FOXP2: variants seen among roughly 807,000 people sequenced by gnomAD.
FOXP2 encodes forkhead box protein P2.
Under a neutral mutation model 115.8 loss-of-function variants are expected in FOXP2, and 12 were observed. The observed-to-expected ratio is 0.10, with a 90% CI of 0.07 to 0.17. The LOEUF (loss-of-function observed/expected upper bound fraction) is 0.17. Among genes scored for constraint, FOXP2 ranks in the 10% least tolerant of loss-of-function variants. The pLI is 1.00. For missense variants in FOXP2, 629 were observed against 843.5 expected, an observed-to-expected ratio of 0.75 and a Z score of 3.15; for synonymous variants, 328 against 297.7, an observed-to-expected ratio of 1.10 and a Z score of -1.05.
At chr7:114,379,018 A>G (rs1792213888) in intron 2 of FOXP2, among the ~76,000 whole-genome samples, 1 of 152,042 alleles carries the variant, frequency 6.6e-6, no homozygotes, top group East Asian at 1.9e-4. Context: ...CAAATATAGG[A>G]GGTAAAATGA....
intron 16 of FOXP2, chr7:114,665,024 A>G (rs1807088697): frequency 6.5e-6 from 1 of 153,018 alleles, no homozygotes; most frequent in African/African-American, 2.4e-5. Context: ...ATGCAAGACT[A>G]CGATTCCTAT....
At chr7:114,434,437 A>G (rs1794247921) in intron 2 of FOXP2, among the ~76,000 whole-genome samples, 1 of 36,046 alleles carries the variant, frequency 2.8e-5, no homozygotes, top group Admixed American at 3.5e-4. Flanking sequence ...TTTAATATAT[A>G]TGGGGGGGGG....
intron 8 of FOXP2, among the ~76,000 whole-genome samples, chr7:114,649,098 T>C (rs920083351): frequency 4.6e-5 from 7 of 152,064 alleles, no homozygotes; most frequent in African/African-American, 1.4e-4. Flanking sequence ...GAAATGGTGT[T>C]AGTGATTGCA....
At chr7:114,262,221 C>T (rs1004641139) in intron 1 of FOXP2, among the ~76,000 whole-genome samples, 2 of 151,968 alleles carry the variant, frequency 1.3e-5, no homozygotes, top group Non-Finnish European at 2.9e-5. Flanking sequence ...GTCAGGAGTT[C>T]AAGACCAGCC....
chr7:114,484,837 G>A (rs913726775), intron 2 of FOXP2, among the ~76,000 whole-genome samples: 3 of 151,830 alleles, frequency 2.0e-5, no homozygotes, highest in African/African-American at 7.2e-5. Context: ...ACATCAGAAG[G>A]AAGTTAGCTA....
intron 2 of FOXP2, among the ~76,000 whole-genome samples, chr7:114,465,660 T>G (rs1251572851): frequency 6.6e-6 from 1 of 152,208 alleles, no homozygotes; most frequent in Non-Finnish European, 1.5e-5. Flanking sequence ...GGAGGTTTGT[T>G]GAGCAATTTC....
At chr7:114,685,088 T>C (rs566906546) in intron 16 of FOXP2, among the ~76,000 whole-genome samples, 1 of 152,142 alleles carries the variant, frequency 6.6e-6, no homozygotes. Flanking sequence ...TGAAATCACC[T>C]ATGGGTATAC....
At chr7:114,223,287 C>T (rs1251276727) in intron 1 of FOXP2, among the ~76,000 whole-genome samples, 1 of 151,712 alleles carries the variant, frequency 6.6e-6, no homozygotes, top group South Asian at 2.1e-4. Flanking sequence ...CTTTTGTTTC[C>T]CTCAGTCTAA....
intron 1 of FOXP2, among the ~76,000 whole-genome samples, chr7:114,168,951 G>C (rs887159639): frequency 2.0e-5 from 3 of 152,238 alleles, no homozygotes; most frequent in African/African-American, 7.2e-5. Context: ...AGCTTTGGCA[G>C]CTTCCATGTG....
chr7:114,676,396 T>C (rs187841159), intron 16 of FOXP2, among the ~76,000 whole-genome samples: 3 of 152,320 alleles, frequency 2.0e-5, no homozygotes, highest in Admixed American at 2.0e-4. Context: ...TATTTCAGTA[T>C]ATTTAATATG....
intron 1 of FOXP2, among the ~76,000 whole-genome samples, chr7:114,145,762 A>C (rs546499499): frequency 6.6e-6 from 1 of 152,310 alleles, no homozygotes; most frequent in South Asian, 2.1e-4. Flanking sequence ...ATGCAATTCT[A>C]TAGAGAGACA....
intron 2 of FOXP2, among the ~76,000 whole-genome samples, chr7:114,393,018 C>T (rs1412065936): frequency 6.6e-6 from 1 of 152,062 alleles, no homozygotes; most frequent in Non-Finnish European, 1.5e-5. Flanking sequence ...AAAAGAAATC[C>T]AGATTCTGGT....
rs186464259 is a variant in FOXP2 at position 114,125,881 on chromosome 7, A to G, written c.-246-37063A>G. Among the ~76,000 whole-genome samples, 537 of 152,292 alleles carry G rather than the reference A, an allele frequency of 3.5e-3. 1 individual carries two copies. Among genetic ancestry groups the G allele is most frequent in the Non-Finnish European group, 5.4e-3 (368 of 68,024 alleles). On this transcript the variant is annotated intron_variant, in intron 1 of 19. Coordinates refer to the FOXP2 transcript ENST00000635638. Reference sequence around the variant, plus strand: ...CATAGAGCACCCATTTAGATGTACTATGGATGTCATATCAAAAGACATTCA... The same window carrying G: ...CATAGAGCACCCATTTAGATGTACTGTGGATGTCATATCAAAAGACATTCA...
At chr7:114,125,982 G>A (rs1026146858) in intron 1 of FOXP2, among the ~76,000 whole-genome samples, 4 of 152,076 alleles carry the variant, frequency 2.6e-5, no homozygotes, top group African/African-American at 9.7e-5. Context: ...ATTTCATATG[G>A]ATTCATTTAA....
At chr7:114,253,719 A>T (rs1795517471) in intron 1 of FOXP2, among the ~76,000 whole-genome samples, 1 of 152,184 alleles carries the variant, frequency 6.6e-6, no homozygotes, top group African/African-American at 2.4e-5. Context: ...TGAATACAGC[A>T]CACTGATGGG....
chr7:114,490,302 AAG>A lies in FOXP2; in HGVS notation c.169-44313_169-44312del, dbSNP rs1475991108. ...AATGTAAATGCGCATTACTAGGTGA[AAG>A]AAGCTTATCTAAAAAAGCTACATAC... On this transcript the variant is annotated intron_variant, in intron 2 of 16. Transcript: ENST00000350908. Among the ~76,000 whole-genome samples, 10 of 152,288 alleles carry A rather than the reference AAG, an allele frequency of 6.6e-5. 1 individual carries two copies. The highest frequency in any genetic ancestry group is 1.3e-4 in the Non-Finnish European group (9 of 68,010).
Position 114,690,417 on chromosome 7 carries a change from G to C in FOXP2, c.*491G>C, listed in dbSNP as rs1344332841. 4.4e-6 allele frequency: 2 copies of C among 453,748 alleles called. No homozygotes were observed. The highest frequency in any genetic ancestry group is 1.4e-4 in the East Asian group (2 of 14,394). The allele number at this position is 453,748 out of a possible 1,614,324, so 28.1% of individuals were successfully genotyped here. On this transcript the variant is annotated 3_prime_UTR_variant, in exon 17 of 17. Coordinates refer to ENST00000350908, the MANE Select transcript of FOXP2 (RefSeq NM_014491.4). ...GTTGCTATTGTTTTTAATTTGCACA[G>C]GAGTAGTATCAGAAATTAGTGTCAC...
intron 2 of FOXP2, among the ~76,000 whole-genome samples, chr7:114,434,415 C>T (rs983048074): frequency 5.0e-5 from 6 of 119,220 alleles, no homozygotes; most frequent in African/African-American, 1.0e-4. Context: ...TAGTATATTT[C>T]TGACCTCACG....
Position 114,502,859 on chromosome 7 carries a change from A to G in FOXP2, c.169-31758A>G, listed in dbSNP as rs1678172714. On this transcript the variant is annotated intron_variant, in intron 2 of 16. Transcript: ENST00000350908. ...TCATCAGAAGGGGAAGTTTACACAT[A>G]TGATTCTATTTGTCCTTCATTATTA... Among the ~76,000 whole-genome samples the G allele has an allele frequency of 4.6e-5, 7 of 152,160 alleles. 1 individual carries two copies. In the South Asian group the frequency reaches 1.5e-3, roughly 32 times the overall value.
Sources: allele counts gnomAD v4.1 joint callset (sites outside exome capture counted in the v4.1 genomes callset), GRCh38; gene constraint gnomAD v4.1.1; transcripts MANE v1.5; gene names NCBI Gene and HGNC (gene_info 2026-07-23, HGNC 2026-07-21).